The following TF variants were observed in gnomAD, a reference collection of about 807,000 sequenced individuals.
TF encodes the protein serotransferrin.
A neutral mutation model predicts 82.4 loss-of-function variants in TF; 55 were observed. The ratio of observed to expected loss-of-function variants is 0.67; its 90% CI spans 0.54 to 0.84. The LOEUF (loss-of-function observed/expected upper bound fraction) is 0.84, where lower values mean the gene tolerates loss of function less well. Ranked by LOEUF, TF falls within the 40% of genes least tolerant of loss-of-function variation. TF has a pLI of 0.00. For synonymous variants in TF, 332 were observed against 332.6 expected (o/e 1.00, Z 0.02); for missense variants, 737 against 868.4 (o/e 0.85, Z 1.90).
Position 133,786,850 on chromosome 3 carries a change from T to A in TF, c.*8230T>A, listed in dbSNP as rs1336529273. ...AACTTCTTACCTGAAACATCTTATCTATGTAGATGTTCAGAATTGCCTGAT... is the reference window on the plus strand; with the variant it reads ...AACTTCTTACCTGAAACATCTTATCAATGTAGATGTTCAGAATTGCCTGAT... On this transcript the variant is annotated 3_prime_UTR_variant, in exon 17 of 17. Transcript: ENST00000402696. 1 of 152,254 alleles carries A rather than the reference T, an allele frequency of 6.6e-6. No individual in the cohort carries two copies. The highest frequency in any genetic ancestry group is 1.5e-5 in the Non-Finnish European group (1 of 68,052). 9.4% of individuals were successfully genotyped at this position (152,254 alleles called of 1,614,324 possible).
the TF span, among the ~76,000 whole-genome samples, chr3:133,669,241 A>G: frequency 1.3e-5 from 2 of 152,036 alleles, no homozygotes. Context: ...ACCTCAGGCG[A>G]TCCACCCACC....
the TF span, among the ~76,000 whole-genome samples, chr3:133,736,864 A>G: frequency 4.1e-4 from 63 of 152,272 alleles, no homozygotes; most frequent in African/African-American, 1.3e-3. Flanking sequence ...CCACACAATA[A>G]TAGTGGGAGA....
chr3:133,698,496 A>G, the TF span, among the ~76,000 whole-genome samples: 2 of 152,178 alleles, frequency 1.3e-5, no homozygotes, highest in African/African-American at 4.8e-5. Context: ...TGTGAGGAGA[A>G]TCTGTTCCAG....
At chr3:133,746,927 G>A (rs1031454701) in intron 1 of TF, among the ~76,000 whole-genome samples, 2 of 152,176 alleles carry the variant, frequency 1.3e-5, no homozygotes, top group Non-Finnish European at 2.9e-5. Context: ...CAGAGCATGG[G>A]GTTTGAAGCC....
rs1390009493 is a variant in TF, at chr3:133,795,620, G to A, written c.*17000G>A. 1.5e-5 allele frequency: 2 copies of A among 136,270 alleles called. No homozygotes were observed. Among genetic ancestry groups the A allele is most frequent in the Non-Finnish European group, 3.1e-5 (2 of 65,382 alleles). The allele number at this position is 136,270 out of a possible 1,614,324, so 8.4% of individuals were successfully genotyped here. A position where few individuals can be genotyped will look rare whatever the true frequency, so the allele number is the denominator to read the frequency against. Reference sequence around the variant, plus strand: ...AGATGGAGTCTCACTCTGTCACCCGGGCTGGAGTGCAGTGGCACGATCTCG... The same window carrying A: ...AGATGGAGTCTCACTCTGTCACCCGAGCTGGAGTGCAGTGGCACGATCTCG... On this transcript the variant is annotated 3_prime_UTR_variant, in exon 17 of 17. Coordinates refer to ENST00000402696, the MANE Select transcript of TF (RefSeq NM_001063.4).
the TF span, chr3:133,701,956 G>A: frequency 6.5e-6 from 1 of 153,014 alleles, no homozygotes; most frequent in Non-Finnish European, 1.5e-5. Context: ...GACTCCCCAG[G>A]GTGCGGTGGT....
At chr3:133,677,404 C>T in the TF span, among the ~76,000 whole-genome samples, 4 of 152,106 alleles carry the variant, frequency 2.6e-5, no homozygotes, top group South Asian at 2.1e-4. Flanking sequence ...TTTGGGAAGC[C>T]GAGGTGGGTG....
the TF span, among the ~76,000 whole-genome samples, chr3:133,728,064 C>A: frequency 1.3e-5 from 2 of 152,212 alleles, no homozygotes; most frequent in Non-Finnish European, 2.9e-5. Context: ...GTAACCCAAC[C>A]TTTCTCCCTG....
At chr3:133,669,113 G>T in the TF span, among the ~76,000 whole-genome samples, 1 of 151,856 alleles carries the variant, frequency 6.6e-6, no homozygotes, top group Admixed American at 6.6e-5. Flanking sequence ...CGATTTTCTT[G>T]CCTTGACCTC....
At position 133,782,060 on chromosome 3, in the gene TF, T is replaced by A. The variant is rs1195045621; in HGVS notation, c.*3440T>A. ...GATATGAAAAGGTGTTCAACATCAC[T>A]AATCATAAGGGAAATGTGAATTGAA... On this transcript the variant is annotated 3_prime_UTR_variant, in exon 17 of 17. Coordinates refer to ENST00000402696, the MANE Select transcript of TF (RefSeq NM_001063.4). The A allele has an allele frequency of 2.0e-5, 3 of 152,162 alleles. No individual in the cohort carries two copies. The highest frequency in any genetic ancestry group is 7.2e-5 in the African/African-American group (3 of 41,426). The allele number at this position is 152,162 out of a possible 1,614,324, so 9.4% of individuals were successfully genotyped here.
At chr3:133,708,358 C>T in the TF span, among the ~76,000 whole-genome samples, 2 of 152,168 alleles carry the variant, frequency 1.3e-5, no homozygotes, top group East Asian at 3.9e-4. Context: ...TAATACATAG[C>T]AAGATTCTAT....
At chr3:133,740,013 A>G in the TF span, among the ~76,000 whole-genome samples, 1 of 152,202 alleles carries the variant, frequency 6.6e-6, no homozygotes, top group African/African-American at 2.4e-5. Context: ...AAATCATTCT[A>G]CTATAAAGAT....
the TF span, among the ~76,000 whole-genome samples, chr3:133,716,419 AT>A: frequency 6.6e-6 from 1 of 151,926 alleles, no homozygotes; most frequent in African/African-American, 2.4e-5. Context: ...TCTATTTTTC[AT>A]TTTGGAAAAA....
chr3:133,760,030 G>A (rs1933948317), intron 9 of TF, among the ~76,000 whole-genome samples: 1 of 151,806 alleles, frequency 6.6e-6, no homozygotes, highest in African/African-American at 2.4e-5. Context: ...AATCATTCTT[G>A]TAAAACCTAA....
the TF span, among the ~76,000 whole-genome samples, chr3:133,736,900 G>A: frequency 3.6e-3 from 543 of 152,154 alleles, 2 homozygotes; most frequent in African/African-American, 0.012. Flanking sequence ...GTCAATATAA[G>A]GCAGATTAAT....
chr3:133,721,633 T>A, the TF span, among the ~76,000 whole-genome samples: 2 of 152,216 alleles, frequency 1.3e-5, no homozygotes, highest in Non-Finnish European at 2.9e-5. Flanking sequence ...TCTTTTTTCT[T>A]TTTGCTTATT....
At chr3:133,765,002 T>C in intron 11 of TF, 95 bp downstream of exon 11, 1 of 1,260,574 alleles carries the variant, frequency 7.9e-7, no homozygotes, top group African/African-American at 1.5e-5. Context: ...TAAGGTGCTG[T>C]AAGAGACCAA....
chr3:133,664,847 G>C, the TF span: 2 of 152,000 alleles, frequency 1.3e-5, no homozygotes, highest in African/African-American at 4.8e-5. Context: ...GGAACTAACT[G>C]TATATGGGTT....
intron 12 of TF, among the ~76,000 whole-genome samples, chr3:133,767,121 G>A (rs773827219): frequency 3.3e-5 from 5 of 152,102 alleles, no homozygotes; most frequent in Non-Finnish European, 7.3e-5. Flanking sequence ...GGGAGATCCC[G>A]GGTCTCTTCA....
Sources: gnomAD v4.1 joint callset for allele counts (sites outside exome capture counted in the v4.1 genomes callset) on GRCh38, gnomAD v4.1.1 for gene constraint, MANE v1.5 for transcripts, NCBI Gene and HGNC (gene_info 2026-07-23, HGNC 2026-07-21) for gene names.